The following GSTCD variants were observed in gnomAD, a reference collection of about 807,000 sequenced individuals.
GSTCD encodes glutathione S-transferase C-terminal domain-containing protein.
In GSTCD, 44 loss-of-function variants were observed where a neutral mutation model predicts 68.3. That is an observed-to-expected ratio of 0.64 (90% CI 0.51 to 0.83). GSTCD has a LOEUF of 0.83. Among genes scored for constraint, GSTCD ranks in the 40% least tolerant of loss-of-function variants. The probability of loss-of-function intolerance (pLI) is 0.00; values close to 1 mark genes in which losing one functional copy is unlikely to be tolerated. For missense variants in GSTCD, 739 were observed against 735.9 expected (o/e 1.00, Z -0.05); for synonymous variants, 273 against 255.2 (o/e 1.07, Z -0.67).
intron 5 of GSTCD, among the ~76,000 whole-genome samples, chr4:105,796,640 A>G (rs2544426): frequency 0.87 from 132,889 of 152,114 alleles, 58,354 homozygotes; most frequent in East Asian, 0.96. Context: ...CAAATTGATC[A>G]TATTTCTTTG....
rs191542979 is a variant in GSTCD, at chr4:105,727,369, C to T, written c.1146+539C>T. Among the ~76,000 whole-genome samples the T allele has an allele frequency of 2.5e-3, 386 of 151,790 alleles. 2 individuals carry two copies. Among genetic ancestry groups the T allele is most frequent in the Non-Finnish European group, 4.7e-3 (317 of 67,920 alleles). ...CAAAACCCCATCTCTACTAAAATTA[C>T]AAAAATTAGCTGGGTGTGGTGGCAC... is the stretch of plus-strand genomic sequence containing the variant. On this transcript the variant is annotated intron_variant, in intron 4 of 11. Coordinates refer to ENST00000515279, the MANE Select transcript of GSTCD (RefSeq NM_001370181.1).
chr4:105,827,358 A>G (rs1723687169), intron 8 of GSTCD, among the ~76,000 whole-genome samples: 1 of 152,160 alleles, frequency 6.6e-6, no homozygotes, highest in Non-Finnish European at 1.5e-5. Context: ...TGTAACTTCC[A>G]AGTGTATAAT....
intron 3 of GSTCD, among the ~76,000 whole-genome samples, chr4:105,722,165 T>A (rs1300215019): frequency 6.6e-6 from 1 of 152,058 alleles, no homozygotes; most frequent in African/African-American, 2.4e-5. Context: ...GAATTGAGTT[T>A]AAATACACAC....
chr4:105,711,163 A>G (rs1302147818), intron 1 of GSTCD: 10 of 152,214 alleles, frequency 6.6e-5, no homozygotes, highest in Admixed American at 6.5e-4. Flanking sequence ...GTTTTATGAA[A>G]AGCATAAAAC....
At chr4:105,742,568 C>A (rs916540340) in intron 5 of GSTCD, among the ~76,000 whole-genome samples, 1 of 152,060 alleles carries the variant, frequency 6.6e-6, no homozygotes, top group Non-Finnish European at 1.5e-5. Context: ...TTGGTACAGT[C>A]GGTGCATTAA....
intron 5 of GSTCD, among the ~76,000 whole-genome samples, chr4:105,786,123 T>TTTG (rs1450288184): frequency 3.3e-5 from 5 of 152,214 alleles, no homozygotes; most frequent in Admixed American, 3.3e-4. Flanking sequence ...GACATAATTA[T>TTTG]TTGTGATACT....
intron 5 of GSTCD, among the ~76,000 whole-genome samples, chr4:105,808,819 C>A (rs528773515): frequency 6.6e-6 from 1 of 152,098 alleles, no homozygotes; most frequent in African/African-American, 2.4e-5. Context: ...AATCCCACTG[C>A]GTTCTGCCTG....
intron 5 of GSTCD, among the ~76,000 whole-genome samples, chr4:105,734,673 T>C (rs7697619): frequency 0.23 from 35,531 of 152,128 alleles, 5,800 homozygotes; most frequent in African/African-American, 0.47. Context: ...GCCTTCTTCT[T>C]TCAACTCGTC....
chr4:105,718,334 G>A (rs1365450828), intron 2 of GSTCD, among the ~76,000 whole-genome samples: 1 of 152,130 alleles, frequency 6.6e-6, no homozygotes, highest in African/African-American at 2.4e-5. Flanking sequence ...TAATGAGTGA[G>A]TTCTTGCTCT....
Position 105,726,631 on chromosome 4 carries a change from C to G in GSTCD, c.947C>G (p.Ala316Gly), listed in dbSNP as rs775453863. 2 of 1,612,142 alleles carry G rather than the reference C, an allele frequency of 1.2e-6. No homozygotes were observed. Among genetic ancestry groups the G allele is most frequent in the Non-Finnish European group, 1.7e-6 (2 of 1,178,786 alleles). ...AAGCTGGTAGAATTTCCATTGCTAG[C>G]CTCTTGGTACCAGAGGATTCAGGAA... ...SEKLVEFPLL[A>G]SWYQRIQEVP... Residue 316 changes from alanine to glycine, a missense_variant, in exon 4 of 12, where the codon GCC becomes GGC. Coordinates refer to ENST00000515279, the MANE Select transcript of GSTCD (RefSeq NM_001370181.1).
chr4:105,825,406 A>G (rs1299796735), intron 7 of GSTCD, among the ~76,000 whole-genome samples: 4 of 152,202 alleles, frequency 2.6e-5, no homozygotes, highest in African/African-American at 9.6e-5. Context: ...TTGGGATTAC[A>G]GGCGTGAGCC....
chr4:105,828,529 A>C (rs975980661), intron 8 of GSTCD, among the ~76,000 whole-genome samples: 1 of 152,206 alleles, frequency 6.6e-6, no homozygotes, highest in Non-Finnish European at 1.5e-5. Flanking sequence ...AAAAGTTCAG[A>C]TCCCCAAATA....
intron 1 of GSTCD, among the ~76,000 whole-genome samples, chr4:105,710,232 ATTTT>A (rs761574598): frequency 4.7e-5 from 4 of 85,686 alleles, no homozygotes; most frequent in African/African-American, 1.7e-4. Flanking sequence ...GGGCCCATCA[ATTTT>A]TTTTTTTTTT....
At chr4:105,803,449 G>T (rs910267330) in intron 5 of GSTCD, among the ~76,000 whole-genome samples, 5 of 151,832 alleles carry the variant, frequency 3.3e-5, no homozygotes, top group Non-Finnish European at 7.4e-5. Context: ...TAACCTGAGG[G>T]CATTATTATA....
chr4:105,829,744 A>G (rs1257940283), intron 8 of GSTCD, among the ~76,000 whole-genome samples: 2 of 152,220 alleles, frequency 1.3e-5, no homozygotes, highest in African/African-American at 4.8e-5. Flanking sequence ...AAACCATATC[A>G]AGACCAAAGC....
chr4:105,775,099 T>C (rs1452476635), intron 5 of GSTCD, among the ~76,000 whole-genome samples: 1 of 152,200 alleles, frequency 6.6e-6, no homozygotes, highest in Non-Finnish European at 1.5e-5. Context: ...CTTTATTTCA[T>C]TACATTGATC....
At chr4:105,837,093 A>G (rs529765089) in intron 9 of GSTCD, among the ~76,000 whole-genome samples, 42 of 152,182 alleles carry the variant, frequency 2.8e-4, no homozygotes, top group Non-Finnish European at 4.3e-4. Flanking sequence ...TGTATTAATC[A>G]TGCCTTTTTA....
intron 1 of GSTCD, among the ~76,000 whole-genome samples, chr4:105,711,939 C>T (rs1031120231): frequency 5.9e-5 from 9 of 152,112 alleles, no homozygotes; most frequent in Admixed American, 2.0e-4. Context: ...ATACTTTTCC[C>T]GATTCACCTC....
intron 5 of GSTCD, among the ~76,000 whole-genome samples, chr4:105,740,394 G>A (rs144173871): frequency 4.1e-4 from 63 of 152,148 alleles, no homozygotes; most frequent in African/African-American, 1.5e-3. Flanking sequence ...GGGAATGGGC[G>A]GGTGGAGACC....
Sources: gnomAD v4.1 joint callset for allele counts (sites outside exome capture counted in the v4.1 genomes callset) on GRCh38, gnomAD v4.1.1 for gene constraint, MANE v1.5 for transcripts, NCBI Gene and HGNC (gene_info 2026-07-23, HGNC 2026-07-21) for gene names.